The following TOMM70 variants were observed in gnomAD, a reference collection of about 807,000 sequenced individuals.
TOMM70 encodes mitochondrial import receptor subunit TOM70.
TOMM70 carries 13 observed loss-of-function variants against 73.6 expected under a neutral mutation model. That is an observed-to-expected ratio of 0.18 (90% CI 0.11 to 0.28). TOMM70 has a LOEUF of 0.28. TOMM70 is among the 10% of genes least tolerant of loss of function. The pLI, the probability that TOMM70 is intolerant of heterozygous loss-of-function variation, is 1.00. For synonymous variants in TOMM70, 257 were observed against 271.2 expected (o/e 0.95, Z 0.51); for missense variants, 609 against 747.5 (o/e 0.81, Z 2.16).
chr3:100,395,876 T>C (rs1484474908), intron 1 of TOMM70, among the ~76,000 whole-genome samples: 1 of 152,088 alleles, frequency 6.6e-6, no homozygotes, highest in African/African-American at 2.4e-5. Flanking sequence ...TACCACGTGG[T>C]AAGTGCTATA....
At chr3:100,366,010 G>T (rs779867457) in intron 11 of TOMM70, among the ~76,000 whole-genome samples, 5 of 152,220 alleles carry the variant, frequency 3.3e-5, no homozygotes, top group Admixed American at 6.5e-5. Context: ...TGTGTTTACT[G>T]ATAAGAACAG....
chr3:100,379,366 G>A (rs55864663), intron 5 of TOMM70, among the ~76,000 whole-genome samples: 16,102 of 152,202 alleles, frequency 0.11, 1,248 homozygotes, highest in African/African-American at 0.21. Context: ...GCTCATGCCT[G>A]TAATCCCAGT....
In TOMM70 at chr3:100,386,241, T is replaced by G; in HGVS notation, c.602A>C (p.Asp201Ala). 1 of 1,612,320 alleles carries G rather than the reference T, an allele frequency of 6.2e-7. No individual in the cohort carries two copies. The highest frequency in any genetic ancestry group is 8.5e-7 in the Non-Finnish European group (1 of 1,179,124). ...FRRAKAHEKL[D>A]NKKECLEDVT... ...ACCTTCTAAACATTCCTTCTTATTGTCTAGCTTCTCATGGGCTTTTGCACG... is the reference window on the plus strand; with the variant it reads ...ACCTTCTAAACATTCCTTCTTATTGGCTAGCTTCTCATGGGCTTTTGCACG... Residue 201 changes from aspartate to alanine, a missense_variant, in exon 3 of 12, where the codon GAC (aspartate) becomes GCC (alanine). This residue lies in a region of TOMM70 where 432 missense variants were observed against 584.1 expected (regional missense o/e 0.74). Transcript: ENST00000284320.
chr3:100,398,551 C>CA (rs1227868862), intron 1 of TOMM70, among the ~76,000 whole-genome samples: 2 of 152,004 alleles, frequency 1.3e-5, no homozygotes, highest in East Asian at 3.8e-4. Context: ...TTCAGACATC[C>CA]AAAATTGATG....
intron 5 of TOMM70, among the ~76,000 whole-genome samples, chr3:100,378,956 G>A (rs1293658532): frequency 6.6e-6 from 1 of 152,124 alleles, no homozygotes; most frequent in Non-Finnish European, 1.5e-5. Context: ...GCAGTGAGCT[G>A]AGATCGCGCC....
At chr3:100,387,938 G>A (rs1364073834) in intron 1 of TOMM70, among the ~76,000 whole-genome samples, 3 of 152,100 alleles carry the variant, frequency 2.0e-5, no homozygotes, top group South Asian at 2.1e-4. Flanking sequence ...TTTAAAGTGC[G>A]CAAAGGATTT....
At chr3:100,383,951 A>G (rs1706664266) in intron 4 of TOMM70, among the ~76,000 whole-genome samples, 1 of 152,214 alleles carries the variant, frequency 6.6e-6, no homozygotes, top group African/African-American at 2.4e-5. Flanking sequence ...CAAAATGCCA[A>G]ACATGTAGCT....
rs752616628 is a variant in TOMM70 at position 100,400,692 on chromosome 3, C to T, written c.258G>A (p.Pro86=). The change falls in exon 1 of 12, where the codon CCG becomes CCA. Residue 86 remains proline (P), a synonymous_variant. Transcript: ENST00000284320. ...CCGGGGCCGGACTGGCCCTGCCCTC[C>T]GGGGTCTTCCGTTCGCTGTTGCGCT... ...GLKRNSERKT[P]EGRASPAPGS... The T allele has an allele frequency of 4.3e-6, 7 of 1,611,690 alleles. No individual in the cohort carries two copies. The South Asian group carries it at 6.6e-5, about 15-fold the overall frequency.
chr3:100,381,915 G>T, intron 4 of TOMM70, 152 bp from the exon 5 acceptor site: 1 of 730,004 alleles, frequency 1.4e-6, no homozygotes, highest in Non-Finnish European at 2.0e-6. Context: ...ACAAAAGACA[G>T]TGGAAAAGGT....
chr3:100,370,131 C>A (rs990061740), intron 9 of TOMM70, among the ~76,000 whole-genome samples: 1 of 152,152 alleles, frequency 6.6e-6, no homozygotes, highest in Non-Finnish European at 1.5e-5. Context: ...GTAGCCAGCA[C>A]ATCTTCTTTA....
chr3:100,383,236 A>C (rs1661287), intron 4 of TOMM70, among the ~76,000 whole-genome samples: 43,959 of 151,900 alleles, frequency 0.29, 10,708 homozygotes, highest in East Asian at 0.66. Flanking sequence ...TTTAAAGAGA[A>C]TGGGGCCAGG....
chr3:100,392,571 A>G (rs1706775031), intron 1 of TOMM70, among the ~76,000 whole-genome samples: 1 of 152,004 alleles, frequency 6.6e-6, no homozygotes, highest in Non-Finnish European at 1.5e-5. Flanking sequence ...GCACGCCACC[A>G]TGCCAAGCTA....
intron 9 of TOMM70, among the ~76,000 whole-genome samples, chr3:100,370,293 C>T (rs919305234): frequency 6.6e-6 from 1 of 152,126 alleles, no homozygotes; most frequent in Non-Finnish European, 1.5e-5. Context: ...ATGCAATTCT[C>T]CCTTTAATAA....
chr3:100,394,365 CT>C (rs57366969), intron 1 of TOMM70, among the ~76,000 whole-genome samples: 19,707 of 131,246 alleles, frequency 0.15, 3,111 homozygotes, highest in African/African-American at 0.37. Context: ...GTTACTTTTT[CT>C]TTTTTTTTTT....
chr3:100,394,336 C>T (rs1706796009), intron 1 of TOMM70, among the ~76,000 whole-genome samples: 1 of 148,714 alleles, frequency 6.7e-6, no homozygotes, highest in Non-Finnish European at 1.5e-5. Flanking sequence ...AACAATGTTT[C>T]AATACTTATT....
rs138545479 is a variant in TOMM70 at position 100,365,743 on chromosome 3, C to T, written c.1674-26G>A. 8.3e-4 allele frequency: 1,340 copies of T among 1,612,454 alleles called. 15 individuals carry two copies. The highest frequency in any genetic ancestry group is 7.0e-5 in the Non-Finnish European group (83 of 1,178,962). ...CTAAAAGAACAAAATTTTTAAGTCT[C>T]AGATTCAACAAGCACTTCACAATAT... is the stretch of plus-strand genomic sequence containing the variant. On this transcript the variant is annotated intron_variant, in intron 11 of 11. Transcript: ENST00000284320.
chr3:100,389,107 G>A (rs1247635708), intron 1 of TOMM70, among the ~76,000 whole-genome samples: 2 of 152,162 alleles, frequency 1.3e-5, no homozygotes, highest in African/African-American at 2.4e-5. Flanking sequence ...ACATCATGGT[G>A]AAATTTCACA....
chr3:100,377,996 C>T (rs934340934), intron 5 of TOMM70, 84 bp from the exon 6 acceptor site: 17 of 1,267,114 alleles, frequency 1.3e-5, no homozygotes, highest in East Asian at 4.9e-5. Flanking sequence ...CCTGTAATCC[C>T]AGCACTTTGG....
At position 100,401,032 on chromosome 3, in the gene TOMM70, G is replaced by A; in HGVS notation, c.-83C>T. 7.1e-7 allele frequency: 1 copy of A among 1,399,324 alleles called. No individual in the cohort carries two copies. Among genetic ancestry groups the A allele is most frequent in the South Asian group, 1.3e-5 (1 of 79,740 alleles). 86.7% of individuals were successfully genotyped at this position (1,399,324 alleles called of 1,614,324 possible). A position where few individuals can be genotyped will look rare whatever the true frequency, so the allele number is the denominator to read the frequency against. On this transcript the variant is annotated 5_prime_UTR_variant, in exon 1 of 12. Coordinates refer to ENST00000284320, the MANE Select transcript of TOMM70 (RefSeq NM_014820.5). Reference sequence around the variant, plus strand: ...AGCGTGCGAAGGAAGACCGAGGGAGGGAAGGAAAGCAATGAGCGAGCGAGC... The same window carrying A: ...AGCGTGCGAAGGAAGACCGAGGGAGAGAAGGAAAGCAATGAGCGAGCGAGC...
Sources: gnomAD v4.1 joint callset for allele counts (sites outside exome capture counted in the v4.1 genomes callset) on GRCh38, gnomAD v4.1.1 for gene constraint, gnomAD v4.1.1 regional missense constraint, MANE v1.5 for transcripts, NCBI Gene and HGNC (gene_info 2026-07-23, HGNC 2026-07-21) for gene names.